The following ITSN1 variants were observed in gnomAD, a reference collection of about 807,000 sequenced individuals.
ITSN1 encodes the protein intersectin 1, also known as intersectin-1.
In ITSN1, 58 loss-of-function variants were observed where a neutral mutation model predicts 239.8. The ratio of observed to expected loss-of-function variants is 0.24; its 90% confidence interval spans 0.20 to 0.30. The LOEUF (loss-of-function observed/expected upper bound fraction) is 0.30. Ranked by LOEUF, ITSN1 falls within the 10% of genes least tolerant of loss-of-function variation. The pLI, the probability that ITSN1 is intolerant of heterozygous loss-of-function variation, is 1.00. For synonymous variants in ITSN1, 780 were observed against 770.8 expected, an observed-to-expected ratio of 1.01 and a Z score of -0.20; for missense variants, 1,558 against 2,103.3, an observed-to-expected ratio of 0.74 and a Z score of 5.07.
intron 5 of ITSN1, among the ~76,000 whole-genome samples, chr21:33,741,525 TACTC>T (rs901367484): frequency 2.0e-5 from 3 of 152,128 alleles, no homozygotes; most frequent in East Asian, 1.9e-4. Flanking sequence ...ATTATAAACT[TACTC>T]AGTAAAGCCC....
intron 1 of ITSN1, among the ~76,000 whole-genome samples, chr21:33,651,398 A>G (rs1416230700): frequency 6.6e-6 from 1 of 152,164 alleles, no homozygotes; most frequent in Non-Finnish European, 1.5e-5. Flanking sequence ...CTGTCTATGG[A>G]TGTTGACGTT....
rs567664340 is a variant in ITSN1 at position 33,669,424 on chromosome 21, A to C, written c.-33+26711A>C. On this transcript the variant is annotated intron_variant, in intron 1 of 39. Transcript: ENST00000381318. ...CTGCATGAAAAAGGGTCACTGTGCCAATACTTTTTTCATTTAAGTTTTTTT... is the reference window on the plus strand; with the variant it reads ...CTGCATGAAAAAGGGTCACTGTGCCCATACTTTTTTCATTTAAGTTTTTTT... Among the ~76,000 whole-genome samples the C allele has an allele frequency of 1.9e-4, 28 of 149,810 alleles. 2 individuals are homozygous for C. The South Asian group carries it at 5.9e-3, about 32-fold the overall frequency.
chr21:33,861,562 G>A (rs78523440), intron 31 of ITSN1, among the ~76,000 whole-genome samples: 11,514 of 152,240 alleles, frequency 0.076, 516 homozygotes, highest in East Asian at 0.077. Flanking sequence ...CCTGAGAAAT[G>A]TGCCTTTCAT....
intron 1 of ITSN1, among the ~76,000 whole-genome samples, chr21:33,679,799 G>T (rs575618812): frequency 2.2e-5 from 3 of 136,890 alleles, no homozygotes; most frequent in East Asian, 4.4e-4. Flanking sequence ...CCAGGTTCAT[G>T]CCATTCTCCT....
chr21:33,679,218 TTGTGTG>T lies in ITSN1; in HGVS notation c.-33+36513_-33+36518del, dbSNP rs371963563. ...TTATGTTTCAGGTGTGTTATTCCCT[TTGTGTG>T]TGTGTGTATCTATATACATATATAT... On this transcript the variant is annotated intron_variant, in intron 1 of 39. Transcript: ENST00000381318. 3.3e-5 allele frequency among the ~76,000 whole-genome samples: 5 copies of T among 152,086 alleles called. No individual in the cohort carries two copies. The East Asian group carries it at 5.8e-4, about 18-fold the overall frequency.
At position 33,834,444 on chromosome 21, in the gene ITSN1, T is replaced by G; in HGVS notation, c.3469+20T>G. ...CGGCAGGTAAGGAGTTTCGCATCTC[T>G]AACTGGAAGATGGTCTGCATGCCAC... On this transcript the variant is annotated intron_variant, in intron 28 of 39. Transcript: ENST00000381318. 1.5e-5 allele frequency: 22 copies of G among 1,496,718 alleles called. No homozygotes were observed. Among genetic ancestry groups the G allele is most frequent in the Non-Finnish European group, 1.8e-5 (19 of 1,079,734 alleles). The allele number at this position is 1,496,718 out of a possible 1,614,324, so 92.7% of individuals were successfully genotyped here.
chr21:33,885,132 T>C lies in ITSN1; in HGVS notation c.4759+9T>C, dbSNP rs761929041. On this transcript the variant is annotated intron_variant, in intron 37 of 39. Transcript: ENST00000381318. Reference sequence around the variant, plus strand: ...CGAGAAAGCGTACCTGGGTAATGCATGGCCCCGCGGGGTGTCCTGCACAGC... The same window carrying C: ...CGAGAAAGCGTACCTGGGTAATGCACGGCCCCGCGGGGTGTCCTGCACAGC... 6.2e-7 allele frequency: 1 copy of C among 1,610,962 alleles called. No individual in the cohort carries two copies. The highest frequency in any genetic ancestry group is 1.1e-5 in the South Asian group (1 of 90,958).
chr21:33,760,173 T>C (rs1327546155), intron 8 of ITSN1, among the ~76,000 whole-genome samples: 1 of 151,084 alleles, frequency 6.6e-6, no homozygotes, highest in Non-Finnish European at 1.5e-5. Context: ...AATGACACAA[T>C]GATACACTCC....
At chr21:33,833,113 ACTCGAGT>A (rs1402448986) in intron 27 of ITSN1, among the ~76,000 whole-genome samples, 1 of 148,908 alleles carries the variant, frequency 6.7e-6, no homozygotes, top group African/African-American at 2.5e-5. Context: ...ATGATCCCTA[ACTCGAGT>A]CTTTTAATGG....
intron 5 of ITSN1, among the ~76,000 whole-genome samples, chr21:33,747,767 T>C (rs2067271160): frequency 6.6e-6 from 1 of 152,208 alleles, no homozygotes; most frequent in Admixed American, 6.5e-5. Flanking sequence ...ATAATGACTT[T>C]TTCAAATAAA....
At chr21:33,875,014 G>A (rs1332091137) in intron 33 of ITSN1, among the ~76,000 whole-genome samples, 1 of 152,248 alleles carries the variant, frequency 6.6e-6, no homozygotes, top group Non-Finnish European at 1.5e-5. Flanking sequence ...GTGATCCTGT[G>A]AGTCTGCATG....
At chr21:33,705,672 G>T (rs1050037869) in intron 1 of ITSN1, among the ~76,000 whole-genome samples, 1 of 151,858 alleles carries the variant, frequency 6.6e-6, no homozygotes, top group African/African-American at 2.4e-5. Context: ...GATTACAGGC[G>T]TGAGCCACTG....
intron 33 of ITSN1, 101 bp downstream of exon 33, chr21:33,867,432 G>C: frequency 1.4e-6 from 1 of 735,890 alleles, no homozygotes; most frequent in Admixed American, 2.0e-5. Context: ...TCTGGTAACT[G>C]TTGTGTAGAA....
At position 33,859,755 on chromosome 21, in the gene ITSN1, G is replaced by A. The variant is rs542349179; in HGVS notation, c.3890+963G>A. Reference sequence around the variant, plus strand: ...GAGTGGATGGAGGGATGGAGAGGAGGTGTGGAGAGGTGGACATGAAGAAAG... The same window carrying A: ...GAGTGGATGGAGGGATGGAGAGGAGATGTGGAGAGGTGGACATGAAGAAAG... On this transcript the variant is annotated intron_variant, in intron 31 of 39. Coordinates refer to ENST00000381318, the MANE Select transcript of ITSN1 (RefSeq NM_003024.3). Among the ~76,000 whole-genome samples, 90 of 152,338 alleles carry A rather than the reference G, an allele frequency of 5.9e-4. No individual in the cohort carries two copies. The Middle Eastern group carries it at 0.01, about 17-fold the overall frequency.
chr21:33,666,008 A>C (rs1049566257), intron 1 of ITSN1, among the ~76,000 whole-genome samples: 5 of 151,498 alleles, frequency 3.3e-5, no homozygotes, highest in African/African-American at 1.2e-4. Context: ...AGCTCACTGC[A>C]ACCTCTGCCT....
chr21:33,894,858 C>T lies in ITSN1; in HGVS notation c.*6558C>T, dbSNP rs1014500299. On this transcript the variant is annotated 3_prime_UTR_variant, in exon 40 of 40. Transcript: ENST00000381318. ...TGGGTGAGCAGCAGCCGCTGCCATTCTGTGCACTGTCACCGGCGGGGGTGG... is the reference window on the plus strand; with the variant it reads ...TGGGTGAGCAGCAGCCGCTGCCATTTTGTGCACTGTCACCGGCGGGGGTGG... The T allele has an allele frequency of 6.6e-6, 1 of 152,296 alleles. No individual in the cohort carries two copies. The highest frequency in any genetic ancestry group is 1.5e-5 in the Non-Finnish European group (1 of 68,086). The allele number at this position is 152,296 out of a possible 1,614,324, so 9.4% of individuals were successfully genotyped here.
At chr21:33,660,977 A>T (rs1475884663) in intron 1 of ITSN1, among the ~76,000 whole-genome samples, 1 of 152,194 alleles carries the variant, frequency 6.6e-6, no homozygotes, top group South Asian at 2.1e-4. Flanking sequence ...ATATCACAAA[A>T]TCGTGTTTGT....
chr21:33,868,096 C>T (rs549035282), intron 33 of ITSN1, among the ~76,000 whole-genome samples: 1 of 152,310 alleles, frequency 6.6e-6, no homozygotes, highest in South Asian at 2.1e-4. Context: ...GCTCGGGCAG[C>T]CTGCTTTTAT....
At chr21:33,808,080 G>C (rs555284464) in intron 20 of ITSN1, among the ~76,000 whole-genome samples, 1 of 151,716 alleles carries the variant, frequency 6.6e-6, no homozygotes, top group Admixed American at 6.6e-5. Context: ...CCAGCTACTC[G>C]GGAGGCTGAG....
Sources: allele counts gnomAD v4.1 joint callset (sites outside exome capture counted in the v4.1 genomes callset), GRCh38; gene constraint gnomAD v4.1.1; transcripts MANE v1.5; gene names NCBI Gene and HGNC (gene_info 2026-07-23, HGNC 2026-07-21).